The following SDK1 variants were observed in gnomAD, a reference collection of about 807,000 sequenced individuals.
SDK1 encodes the protein sidekick cell adhesion molecule 1, also known as protein sidekick-1.
SDK1 carries 157 observed loss-of-function variants against 245.5 expected under a neutral mutation model. The ratio of observed to expected loss-of-function variants is 0.64; its 90% CI spans 0.56 to 0.73. The LOEUF is 0.73. SDK1 is among the 30% of genes least tolerant of loss of function. The pLI, the probability that SDK1 is intolerant of heterozygous loss-of-function variation, is 0.00. For missense variants in SDK1, 3,583 were observed against 3,002.3 expected (o/e 1.19, Z -4.52); for synonymous variants, 1,647 against 1,278.5 (o/e 1.29, Z -6.15).
intron 32 of SDK1, among the ~76,000 whole-genome samples, chr7:4,166,458 G>T (rs931858833): frequency 4.6e-5 from 7 of 152,380 alleles, no homozygotes; most frequent in Non-Finnish European, 7.3e-5. Flanking sequence ...TGGCAGGACT[G>T]CCAGGCCCCT....
intron 1 of SDK1, among the ~76,000 whole-genome samples, chr7:3,543,049 T>C (rs1347148501): frequency 1.3e-5 from 2 of 152,214 alleles, no homozygotes; most frequent in Non-Finnish European, 2.9e-5. Flanking sequence ...CTCATCTCCA[T>C]CTGGGACAAG....
chr7:3,819,940 G>T (rs1176239715), intron 4 of SDK1, among the ~76,000 whole-genome samples: 1 of 152,146 alleles, frequency 6.6e-6, no homozygotes, highest in East Asian at 1.9e-4. Flanking sequence ...CCAGAATACA[G>T]ATTTTAGATA....
intron 5 of SDK1, among the ~76,000 whole-genome samples, chr7:3,896,351 C>G (rs527725641): frequency 1.4e-4 from 21 of 152,192 alleles, no homozygotes; most frequent in Admixed American, 3.9e-4. Flanking sequence ...TAGGAGCACA[C>G]CCTCTTCCTG....
rs73290049 is a variant in SDK1, at chr7:3,334,390, C to T, written c.298+32506C>T. Among the ~76,000 whole-genome samples the T allele has an allele frequency of 9.0e-3, 1,368 of 152,258 alleles. 25 individuals carry two copies. Among genetic ancestry groups the T allele is most frequent in the African/African-American group, 0.031 (1,289 of 41,552 alleles). ...GCTTGAGAGAAGAAGCTGTCGGGTACGAACTCCACTTAATTGTCCTCCTGT... is the reference window on the plus strand; with the variant it reads ...GCTTGAGAGAAGAAGCTGTCGGGTATGAACTCCACTTAATTGTCCTCCTGT... On this transcript the variant is annotated intron_variant, in intron 1 of 44. Transcript: ENST00000404826.
At chr7:3,657,034 A>G (rs1320659979) in intron 4 of SDK1, among the ~76,000 whole-genome samples, 1 of 152,132 alleles carries the variant, frequency 6.6e-6, no homozygotes. Flanking sequence ...GGCGTGAGCC[A>G]CCGCGCCCGG....
At chr7:3,713,526 G>GCAGTAAAAGACT (rs1785109674) in intron 4 of SDK1, among the ~76,000 whole-genome samples, 1 of 152,142 alleles carries the variant, frequency 6.6e-6, no homozygotes, top group Non-Finnish European at 1.5e-5. Flanking sequence ...CCGCAGCACT[G>GCAGTAAAAGACT]GCTTTTCTGT....
chr7:3,922,206 G>A (rs1444006653), intron 5 of SDK1, among the ~76,000 whole-genome samples: 1 of 148,908 alleles, frequency 6.7e-6, no homozygotes, highest in East Asian at 1.9e-4. Context: ...CTGATTGGCA[G>A]ATTCCCACCA....
intron 5 of SDK1, among the ~76,000 whole-genome samples, chr7:3,901,788 GTCT>G (rs752088546): frequency 3.3e-5 from 5 of 152,198 alleles, no homozygotes; most frequent in Admixed American, 6.5e-5. Context: ...TATTAGGTTA[GTCT>G]TCTTCTGTAA....
Position 4,012,124 on chromosome 7 carries a change from C to G in SDK1, c.2309C>G (p.Ala770Gly). The change falls in exon 16 of 45, where the codon GCT (alanine) becomes GGT (glycine). Residue 770 changes from alanine to glycine, a missense_variant. Ala to Gly is a moderately conservative substitution (Grantham distance 60, BLOSUM62 0). Coordinates refer to ENST00000404826, the MANE Select transcript of SDK1 (RefSeq NM_152744.4). ...RLMLPEEPPS[A>G]PPKNIVASGR... is the part of the protein sequence containing the mutation. ...ATGCTACCTGAAGAACCACCCAGTG[C>G]TCCCCCGAAAAATATAGTGGCCAGT... is the stretch of plus-strand genomic sequence containing the variant. 1 of 1,573,342 alleles carries G rather than the reference C, an allele frequency of 6.4e-7. No individual in the cohort carries two copies. The highest frequency in any genetic ancestry group is 8.6e-7 in the Non-Finnish European group (1 of 1,160,340).
chr7:3,370,577 A>G (rs1443116127), intron 1 of SDK1, among the ~76,000 whole-genome samples: 1 of 152,188 alleles, frequency 6.6e-6, no homozygotes, highest in Non-Finnish European at 1.5e-5. Flanking sequence ...CTTGGGCCCG[A>G]TATACCGCTT....
chr7:3,859,156 C>A (rs1780622727), intron 5 of SDK1, among the ~76,000 whole-genome samples: 1 of 152,158 alleles, frequency 6.6e-6, no homozygotes, highest in Non-Finnish European at 1.5e-5. Context: ...GCCACCAAGC[C>A]CGGCCCATAT....
chr7:3,316,815 T>G (rs1299993164), intron 1 of SDK1, among the ~76,000 whole-genome samples: 2 of 152,180 alleles, frequency 1.3e-5, no homozygotes, highest in Non-Finnish European at 2.9e-5. Flanking sequence ...TGTTTTCAAT[T>G]GTATCCCCCT....
At chr7:3,719,147 A>G (rs1026789781) in intron 4 of SDK1, among the ~76,000 whole-genome samples, 1 of 152,204 alleles carries the variant, frequency 6.6e-6, no homozygotes, top group Non-Finnish European at 1.5e-5. Flanking sequence ...TCTAACAAGA[A>G]TAGAAACTAT....
rs188292453 is a variant in SDK1 at position 3,489,886 on chromosome 7, G to A, written c.299-129194G>A. Among the ~76,000 whole-genome samples the A allele has an allele frequency of 2.0e-4, 31 of 152,294 alleles. 2 individuals are homozygous for A. In the East Asian group the frequency reaches 6.0e-3, roughly 29 times the overall value. ...ATGCTGAATTATGGGATGCTGTAAT[G>A]TCACTAATGAGTCCTGTCATGGAGA... On this transcript the variant is annotated intron_variant, in intron 1 of 44. Coordinates refer to ENST00000404826, the MANE Select transcript of SDK1 (RefSeq NM_152744.4).
chr7:3,773,532 TTTTTCAGGGACAGTTACTG>T (rs1490035535), intron 4 of SDK1, among the ~76,000 whole-genome samples: 2 of 152,218 alleles, frequency 1.3e-5, no homozygotes, highest in Non-Finnish European at 2.9e-5. Context: ...CCATCAGGGC[TTTTTCAGGGACAGTTACTG>T]TTGTTTTATT....
chr7:3,576,243 A>G (rs748881323), intron 1 of SDK1, among the ~76,000 whole-genome samples: 4 of 152,198 alleles, frequency 2.6e-5, no homozygotes, highest in Non-Finnish European at 4.4e-5. Flanking sequence ...TATGCTCATC[A>G]CCCCCAAATA....
intron 1 of SDK1, among the ~76,000 whole-genome samples, chr7:3,509,191 A>T (rs550144770): frequency 6.6e-6 from 1 of 152,262 alleles, no homozygotes; most frequent in African/African-American, 2.4e-5. Flanking sequence ...GTGTTAGACA[A>T]TGGAGTCTTA....
At chr7:3,701,146 A>G (rs1469236053) in intron 4 of SDK1, among the ~76,000 whole-genome samples, 1 of 152,220 alleles carries the variant, frequency 6.6e-6, no homozygotes, top group Non-Finnish European at 1.5e-5. Context: ...TCACATTTCT[A>G]TACAGTAGCA....
At chr7:3,316,823 C>T (rs1485204982) in intron 1 of SDK1, among the ~76,000 whole-genome samples, 9 of 152,090 alleles carry the variant, frequency 5.9e-5, no homozygotes, top group Admixed American at 5.2e-4. Flanking sequence ...ATTGTATCCC[C>T]CTTTTTTGCT....
Sources: allele counts gnomAD v4.1 joint callset (sites outside exome capture counted in the v4.1 genomes callset), GRCh38; gene constraint gnomAD v4.1.1; transcripts MANE v1.5; gene names NCBI Gene and HGNC (gene_info 2026-07-23, HGNC 2026-07-21).